Variants in HHIP observed in about 807,000 individuals in gnomAD.
HHIP encodes hedgehog interacting protein, also known as hedgehog-interacting protein.
In HHIP, 12 loss-of-function variants were observed where a neutral mutation model predicts 74.0. The observed-to-expected ratio is 0.16, with a 90% CI of 0.10 to 0.26. The LOEUF is 0.26. HHIP is among the 10% of genes least tolerant of loss of function. The pLI, the probability that HHIP is intolerant of heterozygous loss-of-function variation, is 1.00. For missense variants in HHIP, 788 were observed against 845.0 expected (o/e 0.93, Z 0.84); for synonymous variants, 309 against 311.6 (o/e 0.99, Z 0.09).
chr4:144,713,393 C>T (rs1730354724), intron 8 of HHIP, among the ~76,000 whole-genome samples: 1 of 152,096 alleles, frequency 6.6e-6, no homozygotes, highest in Non-Finnish European at 1.5e-5. Flanking sequence ...CTCATATACA[C>T]CATAATCACA....
chr4:144,708,528 G>A (rs1047922080), intron 7 of HHIP, among the ~76,000 whole-genome samples: 3 of 152,278 alleles, frequency 2.0e-5, no homozygotes, highest in East Asian at 1.9e-4. Context: ...ATTAGACAAC[G>A]AAAAGGACAA....
intron 4 of HHIP, among the ~76,000 whole-genome samples, chr4:144,675,054 T>C (rs2126612205): frequency 6.6e-6 from 1 of 152,316 alleles, no homozygotes; most frequent in Middle Eastern, 3.4e-3. Context: ...AAGACAGTGT[T>C]AACCACAATT....
At chr4:144,699,718 G>A (rs1336697288) in intron 4 of HHIP, among the ~76,000 whole-genome samples, 1 of 152,028 alleles carries the variant, frequency 6.6e-6, no homozygotes, top group Non-Finnish European at 1.5e-5. Flanking sequence ...GAGTTTTAGA[G>A]GCTTTGTGCC....
chr4:144,699,124 C>A (rs145591769), intron 4 of HHIP, among the ~76,000 whole-genome samples: 17 of 152,264 alleles, frequency 1.1e-4, no homozygotes, highest in African/African-American at 3.6e-4. Context: ...AAGGGCTCAG[C>A]CCCATAAGAC....
At chr4:144,689,729 T>C (rs1729592393) in intron 4 of HHIP, among the ~76,000 whole-genome samples, 1 of 152,236 alleles carries the variant, frequency 6.6e-6, no homozygotes, top group Non-Finnish European at 1.5e-5. Flanking sequence ...TTTCTACTAA[T>C]ATCAAATAGA....
intron 4 of HHIP, 103 bp downstream of exon 4, chr4:144,659,941 C>G: frequency 1.2e-6 from 1 of 852,446 alleles, no homozygotes; most frequent in Non-Finnish European, 1.9e-6. Context: ...AAGAAAGAAT[C>G]TTGCAGGAGA....
intron 1 of HHIP, chr4:144,648,714 T>C (rs1728339648): frequency 6.6e-6 from 1 of 152,182 alleles, no homozygotes; most frequent in African/African-American, 2.4e-5. Flanking sequence ...TACTCAACTC[T>C]TCCAGAGACA....
chr4:144,686,743 A>G (rs1031789239), intron 4 of HHIP, among the ~76,000 whole-genome samples: 1 of 152,208 alleles, frequency 6.6e-6, no homozygotes, highest in Non-Finnish European at 1.5e-5. Context: ...AGTGGAAAGA[A>G]GGAGAAGAGA....
chr4:144,715,254 C>A (rs201395428), intron 9 of HHIP, 46 bp from the exon 10 acceptor site: 2 of 1,560,592 alleles, frequency 1.3e-6, no homozygotes, highest in Non-Finnish European at 8.8e-7. Context: ...CATCAATAAA[C>A]AAAAGTGTGT....
intron 4 of HHIP, among the ~76,000 whole-genome samples, chr4:144,699,358 T>C (rs1319147859): frequency 6.6e-6 from 1 of 152,122 alleles, no homozygotes; most frequent in Non-Finnish European, 1.5e-5. Context: ...AACAAGATAT[T>C]GGAAGGGGGT....
rs922598997 is a variant in HHIP at position 144,739,740 on chromosome 4, A to T, written c.*1783A>T. 7.2e-5 allele frequency: 11 copies of T among 152,206 alleles called. No homozygotes were observed. Among genetic ancestry groups the T allele is most frequent in the African/African-American group, 2.7e-4 (11 of 41,448 alleles). The allele number at this position is 152,206 out of a possible 1,614,324, so 9.4% of individuals were successfully genotyped here. A position where few individuals can be genotyped will look rare whatever the true frequency, so the allele number is the denominator to read the frequency against. On this transcript the variant is annotated 3_prime_UTR_variant, in exon 13 of 13. Coordinates refer to ENST00000296575, the MANE Select transcript of HHIP (RefSeq NM_022475.3). ...GCATGCATAATTTTGCACAATTTAG[A>T]TTCAATTGACAGTCTATTCAAAGAA... is the stretch of plus-strand genomic sequence containing the variant.
At chr4:144,712,975 A>T (rs573068883) in intron 8 of HHIP, among the ~76,000 whole-genome samples, 58 of 151,542 alleles carry the variant, frequency 3.8e-4, no homozygotes, top group Admixed American at 1.4e-3. Flanking sequence ...AAAACTAATG[A>T]GTCACTAGCT....
intron 4 of HHIP, among the ~76,000 whole-genome samples, chr4:144,678,502 A>T (rs2072868473): frequency 6.6e-6 from 1 of 152,070 alleles, no homozygotes; most frequent in Non-Finnish European, 1.5e-5. Flanking sequence ...TCAACCTGTC[A>T]TCTACATTAG....
intron 11 of HHIP, among the ~76,000 whole-genome samples, chr4:144,731,650 C>T (rs1730958524): frequency 6.6e-6 from 1 of 152,102 alleles, no homozygotes; most frequent in Non-Finnish European, 1.5e-5. Context: ...AAACTCCTGA[C>T]CTCAGGTGAT....
chr4:144,725,990 T>G (rs1317853015), intron 11 of HHIP, among the ~76,000 whole-genome samples: 1 of 152,022 alleles, frequency 6.6e-6, no homozygotes, highest in Non-Finnish European at 1.5e-5. Context: ...TATTTGTTAA[T>G]ATTAGTTGTC....
At chr4:144,703,311 T>G (rs1730043014) in intron 4 of HHIP, among the ~76,000 whole-genome samples, 1 of 152,142 alleles carries the variant, frequency 6.6e-6, no homozygotes, top group African/African-American at 2.4e-5. Context: ...ATTAATATGT[T>G]TTTCTCCCTT....
At chr4:144,684,053 A>C (rs1167972398) in intron 4 of HHIP, among the ~76,000 whole-genome samples, 1 of 128,604 alleles carries the variant, frequency 7.8e-6, no homozygotes, top group Non-Finnish European at 1.8e-5. Context: ...ACAGAGTGAG[A>C]CTCCGTCTAA....
intron 1 of HHIP, among the ~76,000 whole-genome samples, chr4:144,651,942 G>T (rs926696304): frequency 3.3e-5 from 5 of 151,854 alleles, no homozygotes; most frequent in Non-Finnish European, 5.9e-5. Flanking sequence ...ACATACCTGA[G>T]GACCTAGTTA....
At chr4:144,647,312 G>T (rs1040739498) in intron 1 of HHIP, 14 of 208,494 alleles carry the variant, frequency 6.7e-5, no homozygotes, top group African/African-American at 2.8e-4. Context: ...AATTAAGGTG[G>T]CTGTGGTTTC....
Sources: allele counts gnomAD v4.1 joint callset (sites outside exome capture counted in the v4.1 genomes callset), GRCh38; gene constraint gnomAD v4.1.1; transcripts MANE v1.5; gene names NCBI Gene and HGNC (gene_info 2026-07-23, HGNC 2026-07-21).